The following FGF1 variants were observed in gnomAD, a reference collection of about 807,000 sequenced individuals.
FGF1 encodes fibroblast growth factor 1.
Under a neutral mutation model 13.4 loss-of-function variants are expected in FGF1, and 9 were observed. The ratio of observed to expected loss-of-function variants is 0.67; its 90% CI spans 0.40 to 1.17. FGF1 has a LOEUF of 1.17. FGF1 is among the 50% of genes most tolerant of loss of function. The pLI is 0.01. For synonymous variants in FGF1, 93 were observed against 79.0 expected, an observed-to-expected ratio of 1.18 and a Z score of -0.94; for missense variants, 156 against 192.7, an observed-to-expected ratio of 0.81 and a Z score of 1.13.
intron 3 of FGF1, among the ~76,000 whole-genome samples, chr5:142,599,682 A>G (rs1290169525): frequency 2.0e-5 from 3 of 152,216 alleles, no homozygotes; most frequent in Admixed American, 6.5e-5. Flanking sequence ...AGAGATACCA[A>G]TAGGGGCAAA....
chr5:142,659,460 C>T (rs1768784628), intron 1 of FGF1, among the ~76,000 whole-genome samples: 1 of 152,078 alleles, frequency 6.6e-6, no homozygotes, highest in Admixed American at 6.5e-5. Flanking sequence ...ATCTCTTGAC[C>T]TCGTATTCCA....
At chr5:142,620,192 C>A (rs62382131) in intron 1 of FGF1, among the ~76,000 whole-genome samples, 8 of 151,810 alleles carry the variant, frequency 5.3e-5, no homozygotes, top group Non-Finnish European at 1.5e-5. Context: ...CCGAGGTGGG[C>A]GGATCACGAG....
At chr5:142,658,552 G>A (rs531327199) in intron 1 of FGF1, among the ~76,000 whole-genome samples, 1 of 152,328 alleles carries the variant, frequency 6.6e-6, no homozygotes, top group Non-Finnish European at 1.5e-5. Flanking sequence ...TTGTGAATAA[G>A]AGAGTGTGGC....
intron 1 of FGF1, among the ~76,000 whole-genome samples, chr5:142,677,877 CA>C (rs1420794079): frequency 1.3e-5 from 2 of 152,062 alleles, no homozygotes; most frequent in Admixed American, 6.5e-5. Context: ...TAAAAATTGA[CA>C]AGAAAATTAC....
intron 1 of FGF1, among the ~76,000 whole-genome samples, chr5:142,662,878 C>T (rs967443907): frequency 1.3e-5 from 2 of 152,032 alleles, no homozygotes; most frequent in Admixed American, 6.6e-5. Flanking sequence ...GGCTGGAGTG[C>T]AGTGGCACAA....
intron 1 of FGF1, among the ~76,000 whole-genome samples, chr5:142,665,082 G>A (rs1385143270): frequency 6.6e-6 from 1 of 152,148 alleles, no homozygotes; most frequent in East Asian, 1.9e-4. Context: ...TATTTGTGCT[G>A]CAATCTCAGC....
intron 2 of FGF1, among the ~76,000 whole-genome samples, chr5:142,609,954 G>T (rs995943494): frequency 9.2e-5 from 14 of 152,198 alleles, no homozygotes; most frequent in African/African-American, 3.4e-4. Flanking sequence ...ACACAGATGT[G>T]TTTATTGAAT....
chr5:142,675,277 G>A (rs1343205490), intron 1 of FGF1, among the ~76,000 whole-genome samples: 4 of 152,120 alleles, frequency 2.6e-5, no homozygotes, highest in Admixed American at 1.3e-4. Context: ...GAGGCCTAAC[G>A]ACCCAGGGGA....
At chr5:142,674,961 A>G (rs1292781872) in intron 1 of FGF1, among the ~76,000 whole-genome samples, 3 of 152,052 alleles carry the variant, frequency 2.0e-5, no homozygotes, top group Non-Finnish European at 4.4e-5. Context: ...CCAGCGTGGG[A>G]GCCGAACCTC....
At chr5:142,645,717 G>A (rs555307593) in intron 1 of FGF1, among the ~76,000 whole-genome samples, 7 of 152,110 alleles carry the variant, frequency 4.6e-5, no homozygotes, top group African/African-American at 1.2e-4. Context: ...TTCCTCCAAC[G>A]GCCTCCATTA....
At chr5:142,690,389 C>G (rs190562984), upstream of FGF1, among the ~76,000 whole-genome samples, 13 of 152,282 alleles carry the variant, frequency 8.5e-5, 1 homozygote, top group East Asian at 2.5e-3. Context: ...AAAACGAACA[C>G]TCTGTGCACA....
At chr5:142,637,558 A>G (rs1367724592) in intron 1 of FGF1, among the ~76,000 whole-genome samples, 2 of 151,940 alleles carry the variant, frequency 1.3e-5, no homozygotes, top group Non-Finnish European at 2.9e-5. Flanking sequence ...TGACTTCGTG[A>G]TCTGCCTGCC....
intron 2 of FGF1, among the ~76,000 whole-genome samples, chr5:142,696,483 G>C: frequency 6.6e-6 from 1 of 152,160 alleles, no homozygotes; most frequent in African/African-American, 2.4e-5. Flanking sequence ...CTATGAGATT[G>C]ACCCTGAGAT....
chr5:142,642,537 G>C (rs17216974), intron 1 of FGF1, among the ~76,000 whole-genome samples: 1,687 of 152,338 alleles, frequency 0.011, 12 homozygotes, highest in Non-Finnish European at 0.018. Context: ...AACACACAGG[G>C]CTTCTGAACT....
intron 1 of FGF1, among the ~76,000 whole-genome samples, chr5:142,619,654 A>T (rs188724137): frequency 2.1e-4 from 32 of 152,210 alleles, no homozygotes; most frequent in African/African-American, 6.7e-4. Flanking sequence ...ACGAACATGG[A>T]GAAACCCCGT....
chr5:142,678,130 G>T (rs879392819), intron 1 of FGF1, among the ~76,000 whole-genome samples: 4 of 152,044 alleles, frequency 2.6e-5, no homozygotes, highest in African/African-American at 7.2e-5. Flanking sequence ...GTGTGATGTC[G>T]GATGGGTAAG....
chr5:142,665,135 T>A (rs1433794713), intron 1 of FGF1, among the ~76,000 whole-genome samples: 1 of 152,060 alleles, frequency 6.6e-6, no homozygotes, highest in African/African-American at 2.4e-5. Context: ...GCCCAGGAGT[T>A]TGAGATCAGC....
intron 2 of FGF1, among the ~76,000 whole-genome samples, chr5:142,613,095 C>A (rs568432458): frequency 9.2e-5 from 14 of 152,304 alleles, no homozygotes; most frequent in African/African-American, 3.1e-4. Context: ...ACCCTCTAAG[C>A]AGGGACTGGA....
At chr5:142,644,020 C>G (rs1765608801) in intron 1 of FGF1, 1 of 152,364 alleles carries the variant, frequency 6.6e-6, no homozygotes, top group African/African-American at 2.4e-5. Context: ...TAGCTAGGCT[C>G]TGTAATCTCA....
Sources: allele counts gnomAD v4.1 joint callset (sites outside exome capture counted in the v4.1 genomes callset), GRCh38; gene constraint gnomAD v4.1.1; transcripts MANE v1.5; gene names NCBI Gene and HGNC (gene_info 2026-07-23, HGNC 2026-07-21).